RFX3: variants seen among roughly 807,000 people sequenced by gnomAD.
RFX3 encodes the protein transcription factor RFX3.
RFX3 carries 14 observed loss-of-function variants against 98.6 expected under a neutral mutation model. That is an observed-to-expected ratio of 0.14 (90% CI 0.09 to 0.22). The LOEUF (loss-of-function observed/expected upper bound fraction) is 0.22, where lower values mean the gene tolerates loss of function less well. RFX3 is among the 10% of genes least tolerant of loss of function. The probability of loss-of-function intolerance (pLI) is 1.00; values close to 1 mark genes in which losing one functional copy is unlikely to be tolerated. For synonymous variants in RFX3, 383 were observed against 328.4 expected, an observed-to-expected ratio of 1.17 and a Z score of -1.80; for missense variants, 639 against 926.9, an observed-to-expected ratio of 0.69 and a Z score of 4.03.
rs944903639 is a variant in RFX3, at chr9:3,333,370, A to C, written c.216-2853T>G. ...TGGGTAAAGAGCCCTTTCCAGAAAGAGCCACAGCAAATCCAGGTAAAAAGT... is the reference window on the plus strand; with the variant it reads ...TGGGTAAAGAGCCCTTTCCAGAAAGCGCCACAGCAAATCCAGGTAAAAAGT... On this transcript the variant is annotated intron_variant, in intron 3 of 16. Transcript: ENST00000617270. 1.1e-4 allele frequency among the ~76,000 whole-genome samples: 16 copies of C among 152,170 alleles called. No individual in the cohort carries two copies. In the East Asian group the frequency reaches 3.1e-3, roughly 29 times the overall value.
intron 3 of RFX3, among the ~76,000 whole-genome samples, chr9:3,335,868 G>C (rs527486333): frequency 6.6e-6 from 1 of 152,222 alleles, no homozygotes; most frequent in East Asian, 1.9e-4. Context: ...TCATGCCTTA[G>C]CATACACCTT....
intron 6 of RFX3, among the ~76,000 whole-genome samples, chr9:3,291,311 G>T (rs1191081286): frequency 6.6e-6 from 1 of 152,182 alleles, no homozygotes; most frequent in Non-Finnish European, 1.5e-5. Context: ...GGCAGAGGTT[G>T]CAGTGAGCTG....
intron 2 of RFX3, among the ~76,000 whole-genome samples, chr9:3,377,068 A>G (rs959750680): frequency 2.6e-5 from 4 of 152,206 alleles, no homozygotes; most frequent in Admixed American, 1.3e-4. Flanking sequence ...TAGAAATACC[A>G]TTTGACCCAG....
At chr9:3,311,842 C>T (rs879485335) in intron 4 of RFX3, among the ~76,000 whole-genome samples, 11 of 148,882 alleles carry the variant, frequency 7.4e-5, no homozygotes, top group East Asian at 5.9e-4. Flanking sequence ...CAAGATTGCA[C>T]CACTGCAAGC....
chr9:3,232,713 A>G (rs1586663592), intron 15 of RFX3, among the ~76,000 whole-genome samples: 1 of 151,464 alleles, frequency 6.6e-6, no homozygotes, highest in Non-Finnish European at 1.5e-5. Context: ...GTCTAATGTC[A>G]TGTAGTAAAT....
intron 1 of RFX3, among the ~76,000 whole-genome samples, chr9:3,417,643 C>T (rs953325949): frequency 6.6e-6 from 1 of 152,066 alleles, no homozygotes; most frequent in Non-Finnish European, 1.5e-5. Flanking sequence ...CTGTGAGATG[C>T]AGAACCCCCT....
At chr9:3,299,431 A>C (rs1020017163) in intron 5 of RFX3, among the ~76,000 whole-genome samples, 2 of 151,724 alleles carry the variant, frequency 1.3e-5, no homozygotes, top group East Asian at 3.9e-4. Flanking sequence ...ACTGTTTATA[A>C]ACCATCCGTA....
At chr9:3,363,312 C>A (rs542336412) in intron 2 of RFX3, among the ~76,000 whole-genome samples, 1 of 152,102 alleles carries the variant, frequency 6.6e-6, no homozygotes, top group Non-Finnish European at 1.5e-5. Flanking sequence ...ATCAAAATAT[C>A]TAACTACAGA....
rs552345611 is a variant in RFX3, at chr9:3,372,770, G to A, written c.117+22702C>T. 2.6e-5 allele frequency among the ~76,000 whole-genome samples: 4 copies of A among 152,036 alleles called. No individual in the cohort carries two copies. The East Asian group carries it at 7.8e-4, about 30-fold the overall frequency. On this transcript the variant is annotated intron_variant, in intron 2 of 16. Coordinates refer to ENST00000617270, the MANE Select transcript of RFX3 (RefSeq NM_001282116.2). ...CTAGCTAATTTTTGTGTTTTTAGTA[G>A]AGATAGGGTTTTACCATGTTGGCCA...
At position 3,258,789 on chromosome 9, in the gene RFX3, T is replaced by C. The variant is rs534357981; in HGVS notation, c.1606-1590A>G. ...CTTTTCACATGCATATAGAAATAAT[T>C]TATGCATATATCATCATATATATAC... On this transcript the variant is annotated intron_variant, in intron 13 of 16. Coordinates refer to ENST00000617270, the MANE Select transcript of RFX3 (RefSeq NM_001282116.2). 8.6e-5 allele frequency among the ~76,000 whole-genome samples: 13 copies of C among 151,832 alleles called. No homozygotes were observed. The East Asian group carries it at 2.5e-3, about 29-fold the overall frequency.
At position 3,233,175 on chromosome 9, in the gene RFX3, T is replaced by C. The variant is rs148883218; in HGVS notation, c.1969-4286A>G. Among the ~76,000 whole-genome samples the C allele has an allele frequency of 4.9e-3, 741 of 152,288 alleles. 3 individuals carry two copies. The highest frequency in any genetic ancestry group is 8.1e-3 in the Non-Finnish European group (551 of 68,018). ...GCTCCAGGCAGCCAGTGAGAGTCTA[T>C]TAGCACAAATATTCGTGTAAGACTA... On this transcript the variant is annotated intron_variant, in intron 15 of 16. Coordinates refer to ENST00000617270, the MANE Select transcript of RFX3 (RefSeq NM_001282116.2).
At chr9:3,377,560 A>C (rs577183901) in intron 2 of RFX3, among the ~76,000 whole-genome samples, 1 of 152,340 alleles carries the variant, frequency 6.6e-6, no homozygotes, top group East Asian at 1.9e-4. Flanking sequence ...CACGCCGTGC[A>C]CATGTACCCT....
At chr9:3,232,473 A>G (rs1340828866) in intron 15 of RFX3, among the ~76,000 whole-genome samples, 2 of 152,188 alleles carry the variant, frequency 1.3e-5, no homozygotes, top group Non-Finnish European at 2.9e-5. Flanking sequence ...CTCACCTAAT[A>G]TATGTCTTCC....
chr9:3,357,454 G>C (rs1454342722), intron 2 of RFX3, among the ~76,000 whole-genome samples: 1 of 151,692 alleles, frequency 6.6e-6, no homozygotes, highest in East Asian at 1.9e-4. Flanking sequence ...ACAATTACAA[G>C]AGAAATTAGA....
At chr9:3,519,661 C>T (rs1818507977) in intron 1 of RFX3, among the ~76,000 whole-genome samples, 1 of 152,070 alleles carries the variant, frequency 6.6e-6, no homozygotes, top group South Asian at 2.1e-4. Flanking sequence ...CAAAGTCACA[C>T]AACTAATGAG....
intron 14 of RFX3, among the ~76,000 whole-genome samples, chr9:3,250,892 A>T (rs1380056312): frequency 6.6e-6 from 1 of 152,154 alleles, no homozygotes; most frequent in Non-Finnish European, 1.5e-5. Flanking sequence ...CCCCAAGTGA[A>T]TTGGAATATC....
intron 1 of RFX3, among the ~76,000 whole-genome samples, chr9:3,464,055 C>G (rs1025690787): frequency 4.6e-5 from 7 of 152,114 alleles, no homozygotes; most frequent in Admixed American, 6.6e-5. Flanking sequence ...AAAAATTAAT[C>G]ATTTTAGGGA....
intron 1 of RFX3, among the ~76,000 whole-genome samples, chr9:3,476,165 CATATAT>C (rs1564151464): frequency 6.7e-6 from 1 of 149,414 alleles, no homozygotes; most frequent in African/African-American, 2.5e-5. Context: ...TAATGATACT[CATATAT>C]AATATATATA....
chr9:3,399,067 G>A (rs1841211299), intron 1 of RFX3, among the ~76,000 whole-genome samples: 1 of 151,828 alleles, frequency 6.6e-6, no homozygotes, highest in South Asian at 2.1e-4. Flanking sequence ...CCCCACTCGG[G>A]TTTTGTTTGA....
Sources: gnomAD v4.1 joint callset for allele counts (sites outside exome capture counted in the v4.1 genomes callset) on GRCh38, gnomAD v4.1.1 for gene constraint, MANE v1.5 for transcripts, NCBI Gene and HGNC (gene_info 2026-07-23, HGNC 2026-07-21) for gene names.